Variants in ZNF519 observed in about 807,000 individuals in gnomAD.
ZNF519 encodes zinc finger protein 519, also known as similar to Zinc finger protein 85 (Zinc finger protein HPF4) (HTF1).
In ZNF519, 7 loss-of-function variants were observed where a neutral mutation model predicts 7.4. That is an observed-to-expected ratio of 0.94 (90% CI 0.54 to 1.77). The LOEUF is 1.77. ZNF519 is among the 40% of genes most tolerant of loss of function. ZNF519 has a pLI of 0.00. For missense variants in ZNF519, 586 were observed against 623.1 expected (o/e 0.94, Z 0.63); for synonymous variants, 179 against 203.3 (o/e 0.88, Z 1.02).
intron 2 of ZNF519, among the ~76,000 whole-genome samples, chr18:14,118,067 T>C (rs2046253786): frequency 6.6e-6 from 1 of 152,122 alleles, no homozygotes; most frequent in Non-Finnish European, 1.5e-5. Context: ...AATGAAATAT[T>C]CTTTTTTTTG....
chr18:14,100,869 A>G lies in ZNF519; in HGVS notation c.*4048T>C, dbSNP rs1022672091. 4 of 152,312 alleles carry G rather than the reference A, an allele frequency of 2.6e-5. No individual in the cohort carries two copies. The highest frequency in any genetic ancestry group is 9.6e-5 in the African/African-American group (4 of 41,572). 9.4% of individuals were successfully genotyped at this position (152,312 alleles called of 1,614,324 possible). A position where few individuals can be genotyped will look rare whatever the true frequency, so the allele number is the denominator to read the frequency against. Reference sequence around the variant, plus strand: ...TTAGTTTTGATATTTTTATAATCTTATATCTTACTATAGTTTTCTAGAGTT... The same window carrying G: ...TTAGTTTTGATATTTTTATAATCTTGTATCTTACTATAGTTTTCTAGAGTT... On this transcript the variant is annotated 3_prime_UTR_variant, in exon 3 of 3. Coordinates refer to ENST00000590202, the MANE Select transcript of ZNF519 (RefSeq NM_145287.4).
intron 2 of ZNF519, among the ~76,000 whole-genome samples, chr18:14,111,254 CG>C (rs1054222889): frequency 1.3e-5 from 2 of 150,168 alleles, no homozygotes; most frequent in Non-Finnish European, 3.0e-5. Flanking sequence ...CCTGTAATCC[CG>C]GCACTTTAGG....
intron 2 of ZNF519, 84 bp from the exon 3 acceptor site, chr18:14,106,493 A>G (rs2046193583): frequency 1.6e-6 from 2 of 1,228,918 alleles, no homozygotes; most frequent in Non-Finnish European, 2.2e-6. Context: ...AATTTTGCCA[A>G]GCTGAGAACA....
In ZNF519 at chr18:14,106,532, G is replaced by T. The variant is rs1598516443; in HGVS notation, c.131-123C>A. 1.0e-5 allele frequency: 8 copies of T among 769,766 alleles called. No homozygotes were observed. In the East Asian group the frequency reaches 2.2e-4, roughly 22 times the overall value. The allele number at this position is 769,766 out of a possible 1,614,324, so 47.7% of individuals were successfully genotyped here. On this transcript the variant is annotated intron_variant, in intron 2 of 2. Coordinates refer to ENST00000590202, the MANE Select transcript of ZNF519 (RefSeq NM_145287.4). ...GCACAATGCCATAGTAGAAAACCAAGAAAGGACAGAGCAAGATGGCTAAAT... is the reference window on the plus strand; with the variant it reads ...GCACAATGCCATAGTAGAAAACCAATAAAGGACAGAGCAAGATGGCTAAAT...
intron 2 of ZNF519, among the ~76,000 whole-genome samples, chr18:14,107,964 G>C (rs1043095650): frequency 2.6e-5 from 4 of 152,294 alleles, no homozygotes; most frequent in African/African-American, 9.6e-5. Flanking sequence ...CTGGCTCCTG[G>C]ATGGCACCGA....
chr18:14,102,156 C>T lies in ZNF519; in HGVS notation c.*2761G>A, dbSNP rs192357210. On this transcript the variant is annotated 3_prime_UTR_variant, in exon 3 of 3. Coordinates refer to ENST00000590202, the MANE Select transcript of ZNF519 (RefSeq NM_145287.4). The stretch of plus-strand genomic sequence containing the variant: ...TTATTTATTTAGAGATGGAGTCTCA[C>T]ATGTTGCCCAGGCTGAATTTACTTA... 1 of 152,932 alleles carries T rather than the reference C, an allele frequency of 6.5e-6. No homozygotes were observed. Among genetic ancestry groups the T allele is most frequent in the African/African-American group, 2.4e-5 (1 of 41,534 alleles). 9.5% of individuals were successfully genotyped at this position (152,932 alleles called of 1,614,324 possible). A position where few individuals can be genotyped will look rare whatever the true frequency, so the allele number is the denominator to read the frequency against.
intron 2 of ZNF519, among the ~76,000 whole-genome samples, chr18:14,092,954 T>C (rs2046120270): frequency 6.6e-6 from 1 of 152,224 alleles, no homozygotes; most frequent in African/African-American, 2.4e-5. Flanking sequence ...AACTCAAGAC[T>C]GCCAAACAAT....
At chr18:14,091,768 T>C (rs1325840584) in intron 2 of ZNF519, among the ~76,000 whole-genome samples, 3 of 151,916 alleles carry the variant, frequency 2.0e-5, no homozygotes, top group Non-Finnish European at 4.4e-5. Flanking sequence ...GGGGGCAATA[T>C]TGGTAGAAGA....
chr18:14,096,958 T>C (rs116139308), downstream of ZNF519, among the ~76,000 whole-genome samples: 76 of 152,262 alleles, frequency 5.0e-4, no homozygotes, highest in African/African-American at 1.6e-3. Context: ...GGTGCTGATA[T>C]CTCAACGCTT....
chr18:14,106,836 C>A (rs1418079085), intron 2 of ZNF519, among the ~76,000 whole-genome samples: 2 of 152,076 alleles, frequency 1.3e-5, no homozygotes, highest in Non-Finnish European at 2.9e-5. Flanking sequence ...GAACTCAGTG[C>A]TGCCCTATCA....
At chr18:14,094,465 T>A (rs1276102410) in intron 2 of ZNF519, among the ~76,000 whole-genome samples, 2 of 152,334 alleles carry the variant, frequency 1.3e-5, no homozygotes, top group East Asian at 3.9e-4. Flanking sequence ...CTACACCTAA[T>A]TTGTTGAGTT....
chr18:14,093,504 T>C (rs900915225), intron 2 of ZNF519, among the ~76,000 whole-genome samples: 1 of 152,202 alleles, frequency 6.6e-6, no homozygotes, highest in Non-Finnish European at 1.5e-5. Flanking sequence ...ACAATACATA[T>C]ATACACACAT....
Position 14,132,308 on chromosome 18 carries a change from A to G in ZNF519, c.-31T>C. 6.2e-7 allele frequency: 1 copy of G among 1,613,316 alleles called. No individual in the cohort carries two copies. Among genetic ancestry groups the G allele is most frequent in the South Asian group, 1.1e-5 (1 of 91,060 alleles). The stretch of plus-strand genomic sequence containing the variant: ...GGCTTCAGGGGTGTCCTGGAGTCTT[A>G]GCTATAAATCATTCAATGCCAGCAG... On this transcript the variant is annotated 5_prime_UTR_variant, in exon 1 of 3. An upstream open reading frame in the 5' UTR loses its in-frame stop. Coordinates refer to ENST00000590202, the MANE Select transcript of ZNF519 (RefSeq NM_145287.4).
At chr18:14,089,671 T>C (rs142728482) in intron 2 of ZNF519, among the ~76,000 whole-genome samples, 90 of 152,336 alleles carry the variant, frequency 5.9e-4, no homozygotes, top group African/African-American at 2.1e-3. Context: ...ATCCATATAT[T>C]GATAAGGCTG....
chr18:14,124,232 T>C (rs1297429600), intron 2 of ZNF519, 118 bp downstream of exon 2: 2 of 1,001,494 alleles, frequency 2.0e-6, no homozygotes, highest in Non-Finnish European at 2.8e-6. Flanking sequence ...CATTTTTTCT[T>C]GAAGAAAAGA....
At chr18:14,123,267 A>C (rs2046279020) in intron 2 of ZNF519, 1 of 161,942 alleles carries the variant, frequency 6.2e-6, no homozygotes, top group African/African-American at 2.4e-5. Context: ...GGGATTCTCC[A>C]ATTACCAACC....
intron 2 of ZNF519, among the ~76,000 whole-genome samples, chr18:14,115,143 T>C (rs546791775): frequency 6.6e-6 from 1 of 152,284 alleles, no homozygotes; most frequent in Admixed American, 6.5e-5. Context: ...CAAAAGCATG[T>C]AGAAGAGAAG....
Position 14,105,714 on chromosome 18 carries a change from T to C in ZNF519, c.826A>G (p.Arg276Gly), listed in dbSNP as rs2046186653. Residue 276 changes from arginine to glycine, a missense_variant, in exon 3 of 3, where the codon AGG becomes GGG. Physicochemically the swap from Arg to Gly is moderately radical, Grantham distance 125 (BLOSUM62 -2). Coordinates refer to ENST00000590202, the MANE Select transcript of ZNF519 (RefSeq NM_145287.4). ...KYKERGKAFT[R>G]GLHLGHQKIH... ...TTCTGATGTCCAAGATGTAAGCCCCTGGTAAAAGCTTTGCCACGTTCTTTA... is the reference window on the plus strand; with the variant it reads ...TTCTGATGTCCAAGATGTAAGCCCCCGGTAAAAGCTTTGCCACGTTCTTTA... 6.2e-7 allele frequency: 1 copy of C among 1,613,828 alleles called. No individual in the cohort carries two copies.
rs144602129 is a variant in ZNF519, at chr18:14,104,920, C to G, written c.1620G>C (p.Arg540Ser). The G allele has an allele frequency of 3.3e-5, 50 of 1,536,872 alleles. 1 individual carries two copies. The African/African-American group carries it at 6.5e-4, about 20-fold the overall frequency. Residue 540 changes from arginine to serine, a missense_variant, in exon 3 of 3, where the codon AGG becomes AGC. Transcript: ENST00000590202. ...TLTQHQIIHT[R>S] is the part of the protein sequence containing the mutation. The stretch of plus-strand genomic sequence containing the variant: ...ATTCTTTACACTTGCAGGGTTTCTA[C>G]CTGGTATGAATTATTTGATGTTGAG...
Sources: allele counts gnomAD v4.1 joint callset (sites outside exome capture counted in the v4.1 genomes callset), GRCh38; gene constraint gnomAD v4.1.1; transcripts MANE v1.5; gene names NCBI Gene and HGNC (gene_info 2026-07-23, HGNC 2026-07-21).